The following EPHB3 variants were observed in gnomAD, a reference collection of about 807,000 sequenced individuals.
EPHB3 encodes the protein EPH receptor B3.
Under a neutral mutation model 100.2 loss-of-function variants are expected in EPHB3, and 33 were observed. The ratio of observed to expected loss-of-function variants is 0.33; its 90% CI spans 0.25 to 0.44. The LOEUF is 0.44. Ranked by LOEUF, EPHB3 falls within the 20% of genes least tolerant of loss-of-function variation. EPHB3 has a pLI of 1.00. For missense variants in EPHB3, 1,045 were observed against 1,378.3 expected, an observed-to-expected ratio of 0.76 and a Z score of 3.83; for synonymous variants, 526 against 554.7, an observed-to-expected ratio of 0.95 and a Z score of 0.73.
chr3:184,574,777 C>A (rs1007111661), intron 3 of EPHB3, among the ~76,000 whole-genome samples: 1 of 152,204 alleles, frequency 6.6e-6, no homozygotes, highest in African/African-American at 2.4e-5. Context: ...GGGGCTAACA[C>A]TCTGCAGGTC....
chr3:184,579,638 G>A lies in EPHB3; in HGVS notation c.1924+39G>A. 1 of 1,612,558 alleles carries A rather than the reference G, an allele frequency of 6.2e-7. No individual in the cohort carries two copies. Among genetic ancestry groups the A allele is most frequent in the Non-Finnish European group, 8.5e-7 (1 of 1,178,822 alleles). On this transcript the variant is annotated intron_variant, in intron 10 of 15. Coordinates refer to ENST00000330394, the MANE Select transcript of EPHB3 (RefSeq NM_004443.4). This position sits in a 1 kb window ranked among gnomAD's most constrained non-coding sequence, Gnocchi z 5.2. Reference sequence around the variant, plus strand: ...GGCACAGTAGAGATGAGAAGCTGAGGCGGGCTGGGTACAGGAGTGAGTCAT... The same window carrying A: ...GGCACAGTAGAGATGAGAAGCTGAGACGGGCTGGGTACAGGAGTGAGTCAT...
rs895299703 is a variant in EPHB3, at chr3:184,582,362, A to T, written c.*740A>T. 6.6e-6 allele frequency: 1 copy of T among 152,328 alleles called. No homozygotes were observed. The highest frequency in any genetic ancestry group is 1.5e-5 in the Non-Finnish European group (1 of 68,078). 9.4% of individuals were successfully genotyped at this position (152,328 alleles called of 1,614,324 possible). A position where few individuals can be genotyped will look rare whatever the true frequency, so the allele number is the denominator to read the frequency against. Reference sequence around the variant, plus strand: ...GTGTAAAAGCTTGGCCCTGTGCCCTACAATGGGGCCAGCTGGGCCGACAGC... The same window carrying T: ...GTGTAAAAGCTTGGCCCTGTGCCCTTCAATGGGGCCAGCTGGGCCGACAGC... On this transcript the variant is annotated 3_prime_UTR_variant, in exon 16 of 16. Transcript: ENST00000330394.
At position 184,580,951 on chromosome 3, in the gene EPHB3, G is replaced by T. The variant is rs749597101; in HGVS notation, c.2539-21G>T. 5 of 1,608,092 alleles carry T rather than the reference G, an allele frequency of 3.1e-6. No homozygotes were observed. In the East Asian group the frequency reaches 6.7e-5, roughly 22 times the overall value. On this transcript the variant is annotated intron_variant, in intron 13 of 15. Transcript: ENST00000330394. Reference sequence around the variant, plus strand: ...GGATCATGGCAGTGGCTCACTCAGGGTTTCCCTGCCTTCGGCCCAGGTCAT... The same window carrying T: ...GGATCATGGCAGTGGCTCACTCAGGTTTTCCCTGCCTTCGGCCCAGGTCAT...
chr3:184,577,282 G>A lies in EPHB3; in HGVS notation c.1355-61G>A. ...GACCACTGGGGGTCCCATGGGAAGT[G>A]GGTCTTTGGGAAGGATGCCAGGGTC... On this transcript the variant is annotated intron_variant, in intron 5 of 15. Transcript: ENST00000330394. This position sits in a 1 kb window ranked among gnomAD's most constrained non-coding sequence, Gnocchi z 4.9. 6.3e-7 allele frequency: 1 copy of A among 1,594,354 alleles called. No homozygotes were observed. Among genetic ancestry groups the A allele is most frequent in the Non-Finnish European group, 8.6e-7 (1 of 1,169,370 alleles).
Position 184,580,876 on chromosome 3 carries a change from G to C in EPHB3, c.2536G>C (p.Asp846His). ...ACCCTACTGGGACATGAGCAACCAG[G>C]ATGTGAGTGAGGCTACGCCAGAGTG... is the stretch of plus-strand genomic sequence containing the variant. ...ERPYWDMSNQ[D>H]VINAVEQDYR... The change falls in exon 13 of 16, where the codon GAT (aspartate) becomes CAT (histidine). Residue 846 changes from aspartate to histidine, a missense_variant and splice_region_variant. Asp to His is a moderately conservative substitution (Grantham distance 81). Transcript: ENST00000330394. The C allele has an allele frequency of 6.2e-7, 1 of 1,613,648 alleles. No homozygotes were observed. The highest frequency in any genetic ancestry group is 1.1e-5 in the South Asian group (1 of 91,076).
At chr3:184,576,363 C>T (rs893093734) in intron 4 of EPHB3, among the ~76,000 whole-genome samples, 7 of 152,170 alleles carry the variant, frequency 4.6e-5, no homozygotes, top group African/African-American at 1.7e-4. Context: ...CAGCCCCACT[C>T]TAACCATGGA....
chr3:184,579,411 C>A lies in EPHB3; in HGVS notation c.1802-66C>A. Reference sequence around the variant, plus strand: ...GGGCTCAGCAGGGAGCCTGCTGGAGCTGTGCCCATCGCAGGGAGAGGCTGG... The same window carrying A: ...GGGCTCAGCAGGGAGCCTGCTGGAGATGTGCCCATCGCAGGGAGAGGCTGG... On this transcript the variant is annotated intron_variant, in intron 9 of 15. Transcript: ENST00000330394. The surrounding 1 kb of genome is among the most constrained non-coding windows in gnomAD (Gnocchi z 5.2). 1 of 1,587,886 alleles carries A rather than the reference C, an allele frequency of 6.3e-7. No homozygotes were observed. Among genetic ancestry groups the A allele is most frequent in the South Asian group, 1.1e-5 (1 of 87,720 alleles).
rs1422917626 is a variant in EPHB3 at position 184,563,584 on chromosome 3, C to T, written c.118+1231C>T. Among the ~76,000 whole-genome samples the T allele has an allele frequency of 6.6e-6, 1 of 152,220 alleles. No homozygotes were observed. Among genetic ancestry groups the T allele is most frequent in the Non-Finnish European group, 1.5e-5 (1 of 68,036 alleles). On this transcript the variant is annotated intron_variant, in intron 1 of 15. Coordinates refer to ENST00000330394, the MANE Select transcript of EPHB3 (RefSeq NM_004443.4). This position sits in a 1 kb window ranked among gnomAD's most constrained non-coding sequence, Gnocchi z 4.1. ...GGAAAGACCTCCTATGATCCCCCAC[C>T]CTCCTCATCTCTGAGCCTGCTGTGC...
rs1032428472 is a variant in EPHB3, at chr3:184,562,776, G to T, written c.118+423G>T. 5.3e-5 allele frequency among the ~76,000 whole-genome samples: 8 copies of T among 152,228 alleles called. No individual in the cohort carries two copies. Among genetic ancestry groups the T allele is most frequent in the African/African-American group, 1.7e-4 (7 of 41,462 alleles). On this transcript the variant is annotated intron_variant, in intron 1 of 15. Transcript: ENST00000330394. The surrounding 1 kb of genome is among the most constrained non-coding windows in gnomAD (Gnocchi z 4.8). ...AGCGGGACTCCCCGGGTTGGGGGGC[G>T]CTAATGAGGAGCCCGTTGGAGTTAA...
At position 184,581,067 on chromosome 3, in the gene EPHB3, C is replaced by T. The variant is rs746396756; in HGVS notation, c.2634C>T (p.Asp878=). The change falls in exon 14 of 16, where the codon GAC becomes GAT. Residue 878 remains aspartate (D), a synonymous_variant. Coordinates refer to ENST00000330394, the MANE Select transcript of EPHB3 (RefSeq NM_004443.4). ...TCATGCTGGACTGCTGGGTGCGGGA[C>T]CGGAACCTCAGGCCCAAATTCTCCC... ...HQLMLDCWVR[D]RNLRPKFSQI... The T allele has an allele frequency of 1.9e-6, 3 of 1,614,216 alleles. No individual in the cohort carries two copies. The highest frequency in any genetic ancestry group is 2.5e-6 in the Non-Finnish European group (3 of 1,180,042).
Position 184,582,047 on chromosome 3 carries a change from G to A in EPHB3, c.*425G>A, listed in dbSNP as rs1299663368. 4.3e-5 allele frequency: 7 copies of A among 162,646 alleles called. No individual in the cohort carries two copies. The highest frequency in any genetic ancestry group is 2.7e-5 in the Non-Finnish European group (2 of 74,686). 10.1% of individuals were successfully genotyped at this position (162,646 alleles called of 1,614,324 possible). On this transcript the variant is annotated 3_prime_UTR_variant, in exon 16 of 16. Coordinates refer to ENST00000330394, the MANE Select transcript of EPHB3 (RefSeq NM_004443.4). The stretch of plus-strand genomic sequence containing the variant: ...AGTCCCTCCCTCAGGAACTGGAGGA[G>A]GGGACTCCAGGAATGGGGAAATGTG...
Position 184,575,886 on chromosome 3 carries a change from C to A in EPHB3, c.913C>A (p.Pro305Thr). 2 of 1,613,520 alleles carry A rather than the reference C, an allele frequency of 1.2e-6. No individual in the cohort carries two copies. The highest frequency in any genetic ancestry group is 1.7e-6 in the Non-Finnish European group (2 of 1,179,744). ...GGGAGAGGGGCCCTGCCTCCCATGTCCCCCCAACAGCCGTACCACCTCCCC... is the reference window on the plus strand; with the variant it reads ...GGGAGAGGGGCCCTGCCTCCCATGTACCCCCAACAGCCGTACCACCTCCCC... ...KQGEGPCLPC[P>T]PNSRTTSPAA... The change falls in exon 4 of 16, where the codon CCC becomes ACC. Residue 305 changes from proline to threonine, a missense_variant. Pro to Thr is a conservative substitution (Grantham distance 38). This residue lies in a region of EPHB3 where 985 missense variants were observed against 1,331.1 expected (regional missense o/e 0.74). Transcript: ENST00000330394.
Position 184,569,137 on chromosome 3 carries a change from G to T in EPHB3, c.119-2181G>T, listed in dbSNP as rs905261191. Among the ~76,000 whole-genome samples the T allele has an allele frequency of 1.3e-5, 2 of 152,310 alleles. No homozygotes were observed. The highest frequency in any genetic ancestry group is 2.9e-5 in the Non-Finnish European group (2 of 68,032). ...TGAGCAGAAGGAAGTGAGGGAGAGGGAGGAGGGAGGCGGCGCGAGGGAGCG... is the reference window on the plus strand; with the variant it reads ...TGAGCAGAAGGAAGTGAGGGAGAGGTAGGAGGGAGGCGGCGCGAGGGAGCG... On this transcript the variant is annotated intron_variant, in intron 1 of 15. Transcript: ENST00000330394. This position sits in a 1 kb window ranked among gnomAD's most constrained non-coding sequence, Gnocchi z 5.4.
chr3:184,581,442 G>A (rs368946170), intron 15 of EPHB3, 34 bp downstream of exon 15: 1 of 1,585,504 alleles, frequency 6.3e-7, no homozygotes, highest in Non-Finnish European at 8.6e-7. Flanking sequence ...GAGCAGGGCA[G>A]GGGGCCCTAG....
chr3:184,579,832 T>G lies in EPHB3; in HGVS notation c.2070T>G (p.Asp690Glu). 1 of 1,612,788 alleles carries G rather than the reference T, an allele frequency of 6.2e-7. No homozygotes were observed. ...LSEASIMGQFDHPNIIRLEGV... is the reference protein window; with the variant it reads ...LSEASIMGQFEHPNIIRLEGV... ...AGGCCTCCATCATGGGTCAGTTTGA[T>G]CACCCCAATATAATCCGGCTCGAGG... Residue 690 changes from aspartate to glutamate, a missense_variant, in exon 11 of 16, where the codon GAT (aspartate) becomes GAG (glutamate). Asp to Glu is a conservative substitution (Grantham distance 45). Around this residue, in one of 2 missense-constraint regions of EPHB3, gnomAD observed 985 missense variants for 1,331.1 expected, o/e 0.74. Transcript: ENST00000330394. This position sits in a 1 kb window ranked among gnomAD's most constrained non-coding sequence, Gnocchi z 5.2.
intron 3 of EPHB3, chr3:184,575,092 C>A: frequency 1.0e-6 from 1 of 960,878 alleles, no homozygotes. Flanking sequence ...GAAGAATACA[C>A]GATAAGGCTA....
In EPHB3 at chr3:184,577,524, C is replaced by G. The variant is rs1454342134; in HGVS notation, c.1479+57C>G. 6.4e-5 allele frequency: 102 copies of G among 1,606,200 alleles called. No homozygotes were observed. The highest frequency in any genetic ancestry group is 8.4e-5 in the Non-Finnish European group (99 of 1,175,786). ...GGGCTGAGCTGGGCTGAGAAAATTA[C>G]CCCCGGATCATGATGGGGCCCTTGG... On this transcript the variant is annotated intron_variant, in intron 6 of 15. Coordinates refer to ENST00000330394, the MANE Select transcript of EPHB3 (RefSeq NM_004443.4). This position sits in a 1 kb window ranked among gnomAD's most constrained non-coding sequence, Gnocchi z 4.9.
rs78106794 is a variant in EPHB3 at position 184,572,315 on chromosome 3, C to A, written c.184-189C>A. Among the ~76,000 whole-genome samples the A allele has an allele frequency of 0.11, 16,833 of 152,148 alleles. 1,121 individuals carry two copies. Among genetic ancestry groups the A allele is most frequent in the African/African-American group, 0.18 (7,621 of 41,454 alleles). ...CAGATGGGGAAACTGAGGCACATGG[C>A]GGTTAAGTGACTTACCCATAATCAC... is the stretch of plus-strand genomic sequence containing the variant. On this transcript the variant is annotated intron_variant, in intron 2 of 15. Transcript: ENST00000330394. The surrounding 1 kb of genome is among the most constrained non-coding windows in gnomAD (Gnocchi z 6.6).
chr3:184,580,164 G>A (rs1714784068), intron 11 of EPHB3, among the ~76,000 whole-genome samples: 1 of 152,210 alleles, frequency 6.6e-6, no homozygotes, highest in Non-Finnish European at 1.5e-5. Context: ...TTGAGTCTCA[G>A]CTGCCTGGTT....
Sources: gnomAD v4.1 joint callset for allele counts (sites outside exome capture counted in the v4.1 genomes callset) on GRCh38, gnomAD v4.1.1 for gene constraint, gnomAD v4.1.1 regional missense constraint, Gnocchi (gnomAD v3.1) non-coding constraint, MANE v1.5 for transcripts, NCBI Gene and HGNC (gene_info 2026-07-23, HGNC 2026-07-21) for gene names.